Variants in LIPM observed in about 807,000 individuals in gnomAD.
The protein encoded by LIPM is lipase member M.
A neutral mutation model predicts 42.4 loss-of-function variants in LIPM; 42 were observed. The observed-to-expected ratio is 0.99, with a 90% CI of 0.77 to 1.28. LIPM has a LOEUF of 1.28. LIPM is among the 50% of genes most tolerant of loss of function. The pLI, the probability that LIPM is intolerant of heterozygous loss-of-function variation, is 0.00. For missense variants in LIPM, 524 were observed against 520.1 expected, an observed-to-expected ratio of 1.01 and a Z score of -0.07; for synonymous variants, 177 against 173.3, an observed-to-expected ratio of 1.02 and a Z score of -0.17.
intron 1 of LIPM, chr10:88,806,145 C>T (rs1343616864): frequency 5.7e-6 from 2 of 351,888 alleles, no homozygotes; most frequent in East Asian, 8.8e-5. Context: ...TCCTTTATTG[C>T]CTGCATAAAT....
At chr10:88,815,572 A>G in intron 6 of LIPM, 69 bp downstream of exon 6, 1 of 1,351,832 alleles carries the variant, frequency 7.4e-7, no homozygotes, top group South Asian at 1.3e-5. Flanking sequence ...TCACCCCTGG[A>G]GGGAGAGCTA....
intron 1 of LIPM, among the ~76,000 whole-genome samples, chr10:88,804,034 A>T (rs1589310205): frequency 6.6e-6 from 1 of 152,326 alleles, no homozygotes; most frequent in African/African-American, 2.4e-5. Flanking sequence ...TTTAACATGT[A>T]TTTATACCGA....
intron 6 of LIPM, among the ~76,000 whole-genome samples, chr10:88,816,033 T>TG (rs1843715259): frequency 6.6e-6 from 1 of 152,134 alleles, no homozygotes; most frequent in African/African-American, 2.4e-5. Context: ...ACTAGGTAGG[T>TG]GAAAAAGTCA....
At position 88,815,382 on chromosome 10, in the gene LIPM, T is replaced by C. The variant is rs1843706540; in HGVS notation, c.737T>C (p.Leu246Pro). ...IKGLFGKKEF[L>P]YQTRFLRQLV... ...GGATTGTTTGGCAAAAAAGAATTTCTGTATCAGACCAGATTTCTCAGACAA... is the reference window on the plus strand; with the variant it reads ...GGATTGTTTGGCAAAAAAGAATTTCCGTATCAGACCAGATTTCTCAGACAA... The change falls in exon 6 of 9, where the codon CTG (leucine) becomes CCG (proline). Residue 246 changes from leucine (L) to proline (P), a missense_variant. Physicochemically the swap from Leu to Pro is moderately conservative, Grantham distance 98 (BLOSUM62 -3). Coordinates refer to ENST00000404743, the MANE Select transcript of LIPM (RefSeq NM_001128215.1). 4 of 1,551,538 alleles carry C rather than the reference T, an allele frequency of 2.6e-6. No homozygotes were observed. Among genetic ancestry groups the C allele is most frequent in the Non-Finnish European group, 8.7e-7 (1 of 1,146,960 alleles).
intron 3 of LIPM, among the ~76,000 whole-genome samples, chr10:88,813,718 A>T (rs1174929546): frequency 6.6e-6 from 1 of 152,160 alleles, no homozygotes; most frequent in Non-Finnish European, 1.5e-5. Context: ...GAGACTAAGT[A>T]ATTTATAAAG....
At chr10:88,806,745 C>T (rs536620782) in intron 1 of LIPM, among the ~76,000 whole-genome samples, 28 of 152,172 alleles carry the variant, frequency 1.8e-4, no homozygotes, top group African/African-American at 6.3e-4. Flanking sequence ...AGTGCAGTGG[C>T]GCGATCTTGG....
chr10:88,815,827 T>TGC (rs1843712926), intron 6 of LIPM, among the ~76,000 whole-genome samples: 6 of 152,212 alleles, frequency 3.9e-5, no homozygotes, highest in Admixed American at 3.9e-4. Context: ...CATCCACCTC[T>TGC]ACCCTGCACT....
At chr10:88,818,980 T>C (rs75960475) in intron 8 of LIPM, among the ~76,000 whole-genome samples, 4,259 of 152,240 alleles carry the variant, frequency 0.028, 149 homozygotes, top group East Asian at 0.17. Flanking sequence ...CTCTGCCTCC[T>C]AGCTTTGAGC....
chr10:88,820,519 A>C lies in LIPM; in HGVS notation c.*18A>C. On this transcript the variant is annotated 3_prime_UTR_variant, in exon 9 of 9. Transcript: ENST00000404743. ...TATTGTGAAGCATCTGACACTGACG[A>C]TCTTAGGACAACCTCCTGAGGGATG... 1 of 1,543,904 alleles carries C rather than the reference A, an allele frequency of 6.5e-7. No homozygotes were observed. Among genetic ancestry groups the C allele is most frequent in the South Asian group, 1.2e-5 (1 of 83,378 alleles).
chr10:88,814,000 A>T (rs1843686194), intron 3 of LIPM, among the ~76,000 whole-genome samples: 1 of 152,198 alleles, frequency 6.6e-6, no homozygotes, highest in Non-Finnish European at 1.5e-5. Context: ...GATTATGGGG[A>T]TTACAATTCA....
At chr10:88,812,527 A>T (rs190984759) in intron 2 of LIPM, among the ~76,000 whole-genome samples, 12 of 152,224 alleles carry the variant, frequency 7.9e-5, no homozygotes, top group Admixed American at 6.5e-4. Context: ...CCAATTATTT[A>T]TTTGTTCATT....
chr10:88,810,510 C>CAAAAAAAAA (rs5786838), intron 2 of LIPM, among the ~76,000 whole-genome samples: 1 of 137,034 alleles, frequency 7.3e-6, no homozygotes. Context: ...TCTCCCATAT[C>CAAAAAAAAA]AAAAAAAAAA....
In LIPM at chr10:88,815,564, AC is replaced by A. The variant is rs1843709602; in HGVS notation, c.858+65del. On this transcript the variant is annotated intron_variant, in intron 6 of 8. Transcript: ENST00000404743. ...CATAAAGCTGGGAGTCATATGGCTC[AC>A]CCCTGGAGGGAGAGCTAATGCCAGT... The A allele has an allele frequency of 3.5e-6, 5 of 1,427,708 alleles. No homozygotes were observed. In the Admixed American group the frequency reaches 6.7e-5, roughly 19 times the overall value. The allele number at this position is 1,427,708 out of a possible 1,614,324, so 88.4% of individuals were successfully genotyped here.
chr10:88,810,138 G>T (rs2133054137), intron 2 of LIPM, among the ~76,000 whole-genome samples: 1 of 152,278 alleles, frequency 6.6e-6, no homozygotes, highest in East Asian at 1.9e-4. Flanking sequence ...TTTGCTCAAG[G>T]CTAGAACCAG....
chr10:88,818,228 A>C (rs527529662), intron 8 of LIPM, among the ~76,000 whole-genome samples: 69 of 152,314 alleles, frequency 4.5e-4, no homozygotes, highest in African/African-American at 1.6e-3. Flanking sequence ...GAATTAAAAA[A>C]AATGGGATGG....
chr10:88,812,014 A>G (rs747425542), intron 2 of LIPM, among the ~76,000 whole-genome samples: 21 of 152,194 alleles, frequency 1.4e-4, no homozygotes, highest in Non-Finnish European at 2.5e-4. Context: ...AATCTAATCC[A>G]GGATCATTTA....
chr10:88,811,013 C>G (rs1843648635), intron 2 of LIPM, among the ~76,000 whole-genome samples: 1 of 152,166 alleles, frequency 6.6e-6, no homozygotes, highest in African/African-American at 2.4e-5. Context: ...CCTCCTGGCC[C>G]TTCACTCACA....
intron 8 of LIPM, among the ~76,000 whole-genome samples, chr10:88,819,613 G>C (rs193258872): frequency 5.9e-5 from 9 of 152,316 alleles, no homozygotes; most frequent in Admixed American, 4.6e-4. Flanking sequence ...AAGTTCCCAG[G>C]TATTAGGAAT....
At position 88,808,311 on chromosome 10, in the gene LIPM, A is replaced by G; in HGVS notation, c.161A>G (p.Gln54Arg). ...CTTTTTCCATAGAGTGAAATCATCCAACATCAAGGCTATCCCTGTGAGGAA... is the reference window on the plus strand; with the variant it reads ...CTTTTTCCATAGAGTGAAATCATCCGACATCAAGGCTATCCCTGTGAGGAA... ...EAFMNISEIIQHQGYPCEEYE... is the reference protein window; with the variant it reads ...EAFMNISEIIRHQGYPCEEYE... The change falls in exon 2 of 9, where the codon CAA becomes CGA. Residue 54 changes from glutamine (Q) to arginine (R), a missense_variant. By Grantham distance (43) the Gln-to-Arg change is conservative. Transcript: ENST00000404743. 2 of 1,547,192 alleles carry G rather than the reference A, an allele frequency of 1.3e-6. No homozygotes were observed. The highest frequency in any genetic ancestry group is 1.7e-6 in the Non-Finnish European group (2 of 1,142,922).
Sources: gnomAD v4.1 joint callset for allele counts (sites outside exome capture counted in the v4.1 genomes callset) on GRCh38, gnomAD v4.1.1 for gene constraint, MANE v1.5 for transcripts, NCBI Gene and HGNC (gene_info 2026-07-23, HGNC 2026-07-21) for gene names.